The following PIK3CB variants were observed in gnomAD, a reference collection of about 807,000 sequenced individuals.
PIK3CB encodes the protein phosphatidylinositol-4,5-bisphosphate 3-kinase catalytic subunit beta.
Under a neutral mutation model 136.8 loss-of-function variants are expected in PIK3CB, and 39 were observed. The observed-to-expected ratio is 0.29, with a 90% CI of 0.22 to 0.37. The LOEUF is 0.37. Ranked by LOEUF, PIK3CB falls within the 10% of genes least tolerant of loss-of-function variation. The pLI, the probability that PIK3CB is intolerant of heterozygous loss-of-function variation, is 1.00. For synonymous variants in PIK3CB, 428 were observed against 436.6 expected, an observed-to-expected ratio of 0.98 and a Z score of 0.25; for missense variants, 868 against 1,275.4, an observed-to-expected ratio of 0.68 and a Z score of 4.87.
rs185564772 is a variant in PIK3CB, at chr3:138,751,234, G to A, written c.397+4520C>T. ...AGCACTTTGGGAGGCCGAGGCGGGC[G>A]GATCACGAGGTCAGGAGATTGAGAC... On this transcript the variant is annotated intron_variant, in intron 4 of 23. Coordinates refer to ENST00000674063, the MANE Select transcript of PIK3CB (RefSeq NM_006219.3). Among the ~76,000 whole-genome samples, 1,086 of 151,992 alleles carry A rather than the reference G, an allele frequency of 7.1e-3. 13 individuals carry two copies. Among genetic ancestry groups the A allele is most frequent in the African/African-American group, 0.025 (1,028 of 41,482 alleles).
intron 4 of PIK3CB, among the ~76,000 whole-genome samples, chr3:138,755,468 C>T (rs116715294): frequency 0.057 from 8,682 of 152,036 alleles, 292 homozygotes; most frequent in South Asian, 0.093. Flanking sequence ...ACAGTGAGAC[C>T]CTGTCTCTAT....
chr3:138,669,868 C>T (rs1247283419), intron 19 of PIK3CB, among the ~76,000 whole-genome samples: 3 of 150,680 alleles, frequency 2.0e-5, no homozygotes, highest in East Asian at 1.9e-4. Context: ...AACAGCTGGC[C>T]GAAAGAAAAA....
chr3:138,728,553 G>A (rs2108625494), intron 8 of PIK3CB, among the ~76,000 whole-genome samples: 1 of 152,172 alleles, frequency 6.6e-6, no homozygotes, highest in African/African-American at 2.4e-5. Flanking sequence ...CGAGGCGGGT[G>A]GATCATGAGG....
chr3:138,677,787 C>T (rs565798723), intron 19 of PIK3CB, among the ~76,000 whole-genome samples: 26 of 151,934 alleles, frequency 1.7e-4, no homozygotes, highest in Non-Finnish European at 3.4e-4. Flanking sequence ...CCCAGCTACT[C>T]GGGAGGCTGA....
intron 11 of PIK3CB, among the ~76,000 whole-genome samples, chr3:138,705,760 T>C (rs1256574715): frequency 6.6e-6 from 1 of 152,204 alleles, no homozygotes; most frequent in Non-Finnish European, 1.5e-5. Flanking sequence ...CTGAACATTT[T>C]TTTTTCTCCA....
chr3:138,685,687 TG>T (rs2043875692), intron 16 of PIK3CB, among the ~76,000 whole-genome samples: 1 of 152,124 alleles, frequency 6.6e-6, no homozygotes. Flanking sequence ...TATAATAAAG[TG>T]TGAATATAGA....
chr3:138,703,845 C>T (rs529341395), intron 12 of PIK3CB, among the ~76,000 whole-genome samples: 8 of 152,222 alleles, frequency 5.3e-5, no homozygotes, highest in Middle Eastern at 3.4e-3. Flanking sequence ...CTCTCAGATG[C>T]GTGTGTACTT....
chr3:138,709,446 A>AG (rs1297388499), intron 10 of PIK3CB, among the ~76,000 whole-genome samples: 1 of 152,190 alleles, frequency 6.6e-6, no homozygotes, highest in Non-Finnish European at 1.5e-5. Flanking sequence ...GTGTAAGTAT[A>AG]GGGGGAAAAA....
Position 138,683,713 on chromosome 3 carries a change from T to A in PIK3CB, c.2390A>T (p.Glu797Val). The A allele has an allele frequency of 6.2e-7, 1 of 1,600,778 alleles. No homozygotes were observed. Among genetic ancestry groups the A allele is most frequent in the Non-Finnish European group, 8.6e-7 (1 of 1,168,226 alleles). The change falls in exon 18 of 24, where the codon GAG (glutamate) becomes GTG (valine). Residue 797 changes from glutamate to valine, a missense_variant. Glu to Val is a moderately radical substitution (Grantham distance 121, BLOSUM62 -2). Around this residue, in one of 4 missense-constraint regions of PIK3CB, gnomAD observed 165 missense variants for 295.4 expected, o/e 0.56. Coordinates refer to ENST00000674063, the MANE Select transcript of PIK3CB (RefSeq NM_006219.3). ...TTTAAAAATCACTCCAACTGAATCC[T>A]CACCAAATACCTTGTTATTGTATAC... is the stretch of plus-strand genomic sequence containing the variant. ...WLVYNNKVFG[E>V]DSVGVIFKNG...
At chr3:138,743,330 C>T (rs1019454503) in intron 4 of PIK3CB, among the ~76,000 whole-genome samples, 1 of 152,102 alleles carries the variant, frequency 6.6e-6, no homozygotes, top group Admixed American at 6.6e-5. Flanking sequence ...TAAAACTGTT[C>T]ATAGTCTTTA....
At chr3:138,778,610 TG>T (rs2045887234) in intron 2 of PIK3CB, 1 of 211,466 alleles carries the variant, frequency 4.7e-6, no homozygotes, top group South Asian at 6.8e-5. Flanking sequence ...GAAGCAGGCG[TG>T]GGAGGACCCC....
chr3:138,673,378 C>A (rs1303338365), intron 19 of PIK3CB, among the ~76,000 whole-genome samples: 4 of 151,862 alleles, frequency 2.6e-5, no homozygotes, highest in African/African-American at 7.3e-5. Context: ...CAGACAAAGG[C>A]AAAGAGAAAC....
chr3:138,776,109 G>A (rs1267360401), intron 2 of PIK3CB, among the ~76,000 whole-genome samples: 1 of 151,926 alleles, frequency 6.6e-6, no homozygotes, highest in African/African-American at 2.4e-5. Context: ...GAGGCAGGAG[G>A]ATCACCTGAA....
chr3:138,672,910 G>GAA (rs748631273), intron 19 of PIK3CB, among the ~76,000 whole-genome samples: 57 of 60,728 alleles, frequency 9.4e-4, no homozygotes, highest in African/African-American at 1.9e-3. Flanking sequence ...AGACTCCGTT[G>GAA]AAAAAAAAAA....
chr3:138,769,603 G>A (rs2045776049), intron 2 of PIK3CB, among the ~76,000 whole-genome samples: 1 of 152,126 alleles, frequency 6.6e-6, no homozygotes, highest in Non-Finnish European at 1.5e-5. Context: ...CACAAAATGT[G>A]GTGTTCTGCA....
At chr3:138,754,970 C>G (rs2045538662) in intron 4 of PIK3CB, among the ~76,000 whole-genome samples, 1 of 152,132 alleles carries the variant, frequency 6.6e-6, no homozygotes, top group African/African-American at 2.4e-5. Context: ...AAAACATTAG[C>G]CCCTGAGACT....
intron 1 of PIK3CB, chr3:138,825,264 T>A: frequency 2.5e-6 from 1 of 407,160 alleles, no homozygotes; most frequent in Admixed American, 3.1e-5. Flanking sequence ...TATAGGGACA[T>A]CTCAGGCTGA....
chr3:138,764,846 G>A (rs186551246), intron 2 of PIK3CB, among the ~76,000 whole-genome samples: 2 of 152,138 alleles, frequency 1.3e-5, no homozygotes, highest in East Asian at 1.9e-4. Flanking sequence ...GATACTCCTC[G>A]GTGTGTCTCA....
rs2044568181 is a variant in PIK3CB at position 138,714,474 on chromosome 3, T to G, written c.1296A>C (p.Gly432=). ...GAAGTTGGTATATCATTACCACTTT[T>G]CCAGCTTTCCTGATGGTCTGATATT... The part of the protein sequence containing the change: ...PSKYQTIRKA[G]KVHYPVAWVN... The change falls in exon 9 of 24, where the codon GGA becomes GGC. Residue 432 remains glycine, a synonymous_variant. Coordinates refer to ENST00000674063, the MANE Select transcript of PIK3CB (RefSeq NM_006219.3). The G allele has an allele frequency of 1.2e-6, 2 of 1,604,208 alleles. No individual in the cohort carries two copies. Among genetic ancestry groups the G allele is most frequent in the East Asian group, 4.5e-5 (2 of 44,784 alleles).
Sources: allele counts gnomAD v4.1 joint callset (sites outside exome capture counted in the v4.1 genomes callset), GRCh38; gene constraint gnomAD v4.1.1; regional missense constraint gnomAD v4.1.1; transcripts MANE v1.5; gene names NCBI Gene and HGNC (gene_info 2026-07-23, HGNC 2026-07-21).